Variants in CLASP2 observed in about 807,000 individuals in gnomAD.
The protein encoded by CLASP2 is cytoplasmic linker associated protein 2.
Under a neutral mutation model 194.4 loss-of-function variants are expected in CLASP2, and 47 were observed. The observed-to-expected ratio is 0.24, with a 90% CI of 0.19 to 0.31. CLASP2 has a LOEUF of 0.31. Ranked by LOEUF, CLASP2 falls within the 10% of genes least tolerant of loss-of-function variation. CLASP2 has a pLI of 1.00. For missense variants in CLASP2, 1,445 were observed against 1,823.6 expected (o/e 0.79, Z 3.78); for synonymous variants, 619 against 633.5 (o/e 0.98, Z 0.34).
intron 18 of CLASP2, among the ~76,000 whole-genome samples, chr3:33,601,025 C>T (rs1182519483): frequency 7.3e-6 from 1 of 136,300 alleles, no homozygotes; most frequent in East Asian, 2.2e-4. Context: ...GTGGCAAGAT[C>T]TCGGCTCACT....
At chr3:33,679,722 C>A (rs1008852255) in intron 6 of CLASP2, among the ~76,000 whole-genome samples, 3 of 152,286 alleles carry the variant, frequency 2.0e-5, no homozygotes, top group African/African-American at 7.2e-5. Context: ...ACCCAAAACA[C>A]TGACAAGATC....
intron 34 of CLASP2, among the ~76,000 whole-genome samples, chr3:33,533,561 T>C (rs552956829): frequency 6.6e-6 from 1 of 152,144 alleles, no homozygotes; most frequent in Admixed American, 6.6e-5. Context: ...ATCAGAAAAA[T>C]TTTTAAACAT....
Position 33,669,139 on chromosome 3 carries a change from G to A in CLASP2, c.645-5624C>T, listed in dbSNP as rs115651346. Among the ~76,000 whole-genome samples, 1,139 of 152,242 alleles carry A rather than the reference G, an allele frequency of 7.5e-3. 15 individuals carry two copies. Among genetic ancestry groups the A allele is most frequent in the African/African-American group, 0.025 (1,043 of 41,536 alleles). Reference sequence around the variant, plus strand: ...ATGCAAAAATTCTAAGCACATATGTGCACACTTAATTTATAACAAAATAAG... The same window carrying A: ...ATGCAAAAATTCTAAGCACATATGTACACACTTAATTTATAACAAAATAAG... On this transcript the variant is annotated intron_variant, in intron 6 of 38. Coordinates refer to ENST00000682230, the MANE Select transcript of CLASP2 (RefSeq NM_001365631.1).
intron 36 of CLASP2, among the ~76,000 whole-genome samples, chr3:33,513,711 T>C (rs2050536207): frequency 1.3e-5 from 2 of 152,252 alleles, no homozygotes; most frequent in South Asian, 4.1e-4. Context: ...GGTCTCTCAC[T>C]GTGGCTTTGG....
chr3:33,631,040 T>A (rs1406853604), intron 9 of CLASP2, among the ~76,000 whole-genome samples: 1 of 152,222 alleles, frequency 6.6e-6, no homozygotes, highest in Non-Finnish European at 1.5e-5. Context: ...GGCTTTCTTG[T>A]AACTTTTTAA....
chr3:33,627,511 T>C (rs774437018), intron 9 of CLASP2, among the ~76,000 whole-genome samples: 11 of 152,174 alleles, frequency 7.2e-5, no homozygotes, highest in Non-Finnish European at 1.6e-4. Flanking sequence ...GTAGTCAGGA[T>C]AGCTACATTT....
intron 34 of CLASP2, among the ~76,000 whole-genome samples, chr3:33,534,458 T>C (rs1199730267): frequency 2.0e-5 from 3 of 152,088 alleles, no homozygotes; most frequent in African/African-American, 7.2e-5. Context: ...TCCCAGCTAC[T>C]CAGGAGGCTG....
At chr3:33,599,559 T>A (rs1448483036) in intron 18 of CLASP2, among the ~76,000 whole-genome samples, 1 of 152,124 alleles carries the variant, frequency 6.6e-6, no homozygotes, top group Non-Finnish European at 1.5e-5. Context: ...AACCTACCAA[T>A]AGACTGAGAG....
intron 2 of CLASP2, among the ~76,000 whole-genome samples, chr3:33,691,678 A>G (rs904530111): frequency 1.3e-5 from 2 of 152,220 alleles, no homozygotes; most frequent in African/African-American, 4.8e-5. Flanking sequence ...TGGTTCTGAT[A>G]GCTTCTGAAA....
chr3:33,576,054 T>C, intron 24 of CLASP2, 115 bp downstream of exon 24: 1 of 716,470 alleles, frequency 1.4e-6, no homozygotes, highest in Non-Finnish European at 2.3e-6. Context: ...GTTTTATCTT[T>C]AGATTTAATC....
intron 38 of CLASP2, among the ~76,000 whole-genome samples, chr3:33,499,383 T>G (rs1332566170): frequency 7.1e-6 from 1 of 140,400 alleles, no homozygotes; most frequent in African/African-American, 2.7e-5. Flanking sequence ...GGAGTCTCAC[T>G]CTGTCACCCA....
chr3:33,623,904 C>T (rs2077534201), intron 10 of CLASP2, among the ~76,000 whole-genome samples: 1 of 152,126 alleles, frequency 6.6e-6, no homozygotes. Context: ...TACAAACCCA[C>T]AGCCAATATC....
intron 34 of CLASP2, among the ~76,000 whole-genome samples, chr3:33,526,080 CTTT>C (rs530958434): frequency 6.9e-6 from 1 of 144,404 alleles, no homozygotes; most frequent in East Asian, 2.0e-4. Flanking sequence ...GCTGCTTCTT[CTTT>C]TTTTTTTTTT....
chr3:33,534,472 T>C (rs1248997853), intron 34 of CLASP2, among the ~76,000 whole-genome samples: 1 of 152,028 alleles, frequency 6.6e-6, no homozygotes, highest in East Asian at 1.9e-4. Flanking sequence ...GAGGCTGAGG[T>C]GGGAGGATCG....
At chr3:33,525,933 G>C (rs1351746584) in intron 34 of CLASP2, among the ~76,000 whole-genome samples, 1 of 152,206 alleles carries the variant, frequency 6.6e-6, no homozygotes, top group African/African-American at 2.4e-5. Flanking sequence ...CCCAGCGGGA[G>C]GGGCAGGCTG....
chr3:33,576,114 T>C (rs1044928312), intron 24 of CLASP2, 55 bp downstream of exon 24: 1 of 1,401,152 alleles, frequency 7.1e-7, no homozygotes, highest in Non-Finnish European at 1.0e-6. Flanking sequence ...GGCCTACTCA[T>C]TCAACAGTTT....
chr3:33,527,696 A>C (rs1411137260), intron 34 of CLASP2, among the ~76,000 whole-genome samples: 1 of 152,102 alleles, frequency 6.6e-6, no homozygotes, highest in Non-Finnish European at 1.5e-5. Context: ...AGCACATTAC[A>C]ACAACCTGTA....
At chr3:33,663,706 A>G (rs1287739944) in intron 6 of CLASP2, among the ~76,000 whole-genome samples, 191 bp from the exon 7 acceptor site, 1 of 152,180 alleles carries the variant, frequency 6.6e-6, no homozygotes, top group African/African-American at 2.4e-5. Context: ...GAAAGAAGTC[A>G]CATATAGGTA....
chr3:33,543,570 T>C (rs775297681), intron 31 of CLASP2, 31 bp from the exon 32 acceptor site: 9 of 1,339,632 alleles, frequency 6.7e-6, no homozygotes, highest in Non-Finnish European at 9.7e-6. Flanking sequence ...AATATTAACA[T>C]ATTACAGGTA....
Sources: allele counts gnomAD v4.1 joint callset (sites outside exome capture counted in the v4.1 genomes callset), GRCh38; gene constraint gnomAD v4.1.1; transcripts MANE v1.5; gene names NCBI Gene and HGNC (gene_info 2026-07-23, HGNC 2026-07-21).